MYO3B: variants seen among roughly 807,000 people sequenced by gnomAD.
The protein encoded by MYO3B is myosin IIIB.
MYO3B carries 156 observed loss-of-function variants against 174.6 expected under a neutral mutation model. The ratio of observed to expected loss-of-function variants is 0.89; its 90% CI spans 0.78 to 1.02. The LOEUF (loss-of-function observed/expected upper bound fraction) is 1.02. Among genes scored for constraint, MYO3B ranks in the 50% least tolerant of loss-of-function variants. MYO3B has a pLI of 0.00. For synonymous variants in MYO3B, 563 were observed against 569.1 expected, an observed-to-expected ratio of 0.99 and a Z score of 0.15; for missense variants, 1,632 against 1,639.4, an observed-to-expected ratio of 1.00 and a Z score of 0.08.
chr2:170,591,422 G>T (rs933343042), intron 32 of MYO3B, among the ~76,000 whole-genome samples: 2 of 152,142 alleles, frequency 1.3e-5, no homozygotes, highest in African/African-American at 2.4e-5. Flanking sequence ...AGATGTCAGG[G>T]TTGTAAACCA....
At chr2:170,364,484 A>G (rs1466692201) in intron 8 of MYO3B, among the ~76,000 whole-genome samples, 1 of 152,134 alleles carries the variant, frequency 6.6e-6, no homozygotes, top group African/African-American at 2.4e-5. Flanking sequence ...CCCCAATCCC[A>G]TACAGAGTTT....
chr2:170,394,726 G>A (rs2094434382), intron 16 of MYO3B, among the ~76,000 whole-genome samples: 2 of 152,190 alleles, frequency 1.3e-5, no homozygotes, highest in African/African-American at 4.8e-5. Context: ...AAAGGAAGAA[G>A]CAGGATCTTC....
intron 25 of MYO3B, among the ~76,000 whole-genome samples, chr2:170,482,993 T>C (rs1266297744): frequency 6.6e-6 from 1 of 152,394 alleles, no homozygotes; most frequent in East Asian, 1.9e-4. Context: ...GCCTTTTTCA[T>C]GGAGCCCATG....
In MYO3B at chr2:170,446,305, G is replaced by A. The variant is rs368442830; in HGVS notation, c.2730+2259G>A. Among the ~76,000 whole-genome samples the A allele has an allele frequency of 9.8e-4, 149 of 152,158 alleles. 1 individual carries two copies. Among genetic ancestry groups the A allele is most frequent in the African/African-American group, 1.4e-3 (60 of 41,532 alleles). ...TGACACAGAAACATTAAAGAACCCC[G>A]TGTCGTATTTCCTGTCAACCCACAT... On this transcript the variant is annotated intron_variant, in intron 23 of 34. Coordinates refer to ENST00000408978, the MANE Select transcript of MYO3B (RefSeq NM_138995.5).
intron 6 of MYO3B, among the ~76,000 whole-genome samples, chr2:170,226,671 G>A (rs1168196067): frequency 2.6e-5 from 4 of 152,140 alleles, no homozygotes; most frequent in Non-Finnish European, 5.9e-5. Context: ...CCTCTTCCTG[G>A]TGGGTCTAAA....
At chr2:170,449,800 A>T (rs1312102484) in intron 23 of MYO3B, among the ~76,000 whole-genome samples, 1 of 151,988 alleles carries the variant, frequency 6.6e-6, no homozygotes, top group African/African-American at 2.4e-5. Flanking sequence ...GAAAAGAAAA[A>T]GAAGAAGTTT....
At chr2:170,272,688 G>GCATAA (rs2093434099) in intron 7 of MYO3B, among the ~76,000 whole-genome samples, 2 of 152,188 alleles carry the variant, frequency 1.3e-5, no homozygotes, top group African/African-American at 4.8e-5. Context: ...ATAATGAGAG[G>GCATAA]TGACTGGACC....
intron 30 of MYO3B, among the ~76,000 whole-genome samples, chr2:170,540,822 C>A (rs1043656572): frequency 2.0e-5 from 3 of 152,080 alleles, no homozygotes; most frequent in Non-Finnish European, 4.4e-5. Context: ...GGAGAAGGGT[C>A]CATTGTTAAA....
chr2:170,237,615 C>T (rs992636278), intron 7 of MYO3B, among the ~76,000 whole-genome samples: 19 of 152,132 alleles, frequency 1.2e-4, no homozygotes, highest in African/African-American at 4.6e-4. Context: ...CCCAGCCAAG[C>T]TTCTTCTAAT....
At chr2:170,563,954 T>C (rs1240534230) in intron 32 of MYO3B, among the ~76,000 whole-genome samples, 1 of 152,208 alleles carries the variant, frequency 6.6e-6, no homozygotes, top group African/African-American at 2.4e-5. Flanking sequence ...GGTTCTGTTA[T>C]GAAGGAAGCA....
chr2:170,386,856 CA>C (rs1218478282), intron 13 of MYO3B, among the ~76,000 whole-genome samples: 1 of 152,190 alleles, frequency 6.6e-6, no homozygotes, highest in African/African-American at 2.4e-5. Flanking sequence ...TTTTATCTGT[CA>C]AGGATTTTAA....
chr2:170,605,998 A>G (rs77593268), intron 32 of MYO3B, among the ~76,000 whole-genome samples: 2,762 of 152,024 alleles, frequency 0.018, 42 homozygotes, highest in Non-Finnish European at 0.027. Flanking sequence ...ATACATCTTG[A>G]TTTTGTCCAT....
At chr2:170,217,173 TGCA>T in intron 5 of MYO3B, 143 bp from the exon 6 acceptor site, 1 of 666,626 alleles carries the variant, frequency 1.5e-6, no homozygotes, top group East Asian at 2.5e-5. Context: ...TTTGTACTAT[TGCA>T]GCAGAACTGA....
intron 22 of MYO3B, among the ~76,000 whole-genome samples, chr2:170,416,672 T>TGGG (rs914694540): frequency 9.3e-5 from 14 of 150,012 alleles, no homozygotes; most frequent in Non-Finnish European, 1.5e-4. Context: ...GATCTGTCCC[T>TGGG]GCCTGTATCT....
At chr2:170,318,131 C>G (rs1485583867) in intron 7 of MYO3B, among the ~76,000 whole-genome samples, 1 of 152,150 alleles carries the variant, frequency 6.6e-6, no homozygotes, top group African/African-American at 2.4e-5. Context: ...ACATTTGTGA[C>G]AGTGCTTTGT....
chr2:170,634,355 A>G (rs1408970884), intron 32 of MYO3B, among the ~76,000 whole-genome samples: 4 of 152,206 alleles, frequency 2.6e-5, no homozygotes, highest in African/African-American at 9.6e-5. Flanking sequence ...CTAACAAAAA[A>G]CAAGCAATGG....
At chr2:170,639,477 G>A (rs1697787631) in intron 32 of MYO3B, among the ~76,000 whole-genome samples, 1 of 152,186 alleles carries the variant, frequency 6.6e-6, no homozygotes, top group African/African-American at 2.4e-5. Context: ...AGTACGTGGT[G>A]GATGAGAATA....
At chr2:170,486,804 T>C (rs1575059409) in intron 25 of MYO3B, among the ~76,000 whole-genome samples, 1 of 152,224 alleles carries the variant, frequency 6.6e-6, no homozygotes, top group Non-Finnish European at 1.5e-5. Context: ...TGTGTCGAGA[T>C]GTCTGATCAC....
intron 6 of MYO3B, among the ~76,000 whole-genome samples, chr2:170,224,119 A>G (rs2092928007): frequency 1.3e-5 from 2 of 152,260 alleles, no homozygotes; most frequent in Non-Finnish European, 2.9e-5. Flanking sequence ...CTTGCTAAGC[A>G]GAGGCATAGT....
Sources: allele counts gnomAD v4.1 joint callset (sites outside exome capture counted in the v4.1 genomes callset), GRCh38; gene constraint gnomAD v4.1.1; transcripts MANE v1.5; gene names NCBI Gene and HGNC (gene_info 2026-07-23, HGNC 2026-07-21).